Variants in IMPG1 observed in about 807,000 individuals in gnomAD.
IMPG1 encodes the protein interphotoreceptor matrix proteoglycan of 150 kDa.
A neutral mutation model predicts 92.0 loss-of-function variants in IMPG1; 85 were observed. The ratio of observed to expected loss-of-function variants is 0.92; its 90% confidence interval spans 0.78 to 1.11. IMPG1 has a LOEUF of 1.11. Ranked by LOEUF, IMPG1 falls within the 50% of genes least tolerant of loss-of-function variation. The pLI is 0.00. For missense variants in IMPG1, 1,022 were observed against 956.0 expected, an observed-to-expected ratio of 1.07 and a Z score of -0.91; for synonymous variants, 367 against 334.1, an observed-to-expected ratio of 1.10 and a Z score of -1.08.
At chr6:75,933,648 T>G (rs913990556) in intron 14 of IMPG1, among the ~76,000 whole-genome samples, 2 of 152,204 alleles carry the variant, frequency 1.3e-5, no homozygotes, top group Non-Finnish European at 2.9e-5. Flanking sequence ...CCGGGCCTAG[T>G]CTACTAGCAT....
intron 12 of IMPG1, among the ~76,000 whole-genome samples, chr6:75,967,215 A>G (rs1336995833): frequency 6.6e-6 from 1 of 152,132 alleles, no homozygotes; most frequent in Non-Finnish European, 1.5e-5. Context: ...AACAATATCA[A>G]GAAATGATTC....
intron 1 of IMPG1, among the ~76,000 whole-genome samples, chr6:76,046,022 T>C (rs991603708): frequency 6.6e-6 from 1 of 152,016 alleles, no homozygotes; most frequent in Non-Finnish European, 1.5e-5. Context: ...TGATGATGAA[T>C]TGGCTGCCAT....
intron 4 of IMPG1, among the ~76,000 whole-genome samples, chr6:76,031,202 A>G (rs185278964): frequency 6.4e-4 from 98 of 152,358 alleles, no homozygotes; most frequent in Admixed American, 2.0e-3. Context: ...GTTTGTTACT[A>G]TAAGCAAGTA....
chr6:76,023,787 A>T (rs1562373979), intron 5 of IMPG1, among the ~76,000 whole-genome samples: 1 of 152,178 alleles, frequency 6.6e-6, no homozygotes, highest in East Asian at 1.9e-4. Flanking sequence ...GAAAGGGGTC[A>T]TATTAACTTA....
chr6:76,066,791 T>A (rs561880675), intron 1 of IMPG1, among the ~76,000 whole-genome samples: 3 of 152,212 alleles, frequency 2.0e-5, no homozygotes, highest in Admixed American at 6.5e-5. Context: ...AGAAAAACCG[T>A]ATGTCAGACC....
At chr6:76,025,334 T>A (rs1363009136) in intron 4 of IMPG1, 76 bp from the exon 5 acceptor site, 1 of 775,248 alleles carries the variant, frequency 1.3e-6, no homozygotes, top group Non-Finnish European at 2.2e-6. Context: ...CATTTAAATT[T>A]CTTATACTGA....
rs942431084 is a variant in IMPG1 at position 75,943,541 on chromosome 6, G to A, written c.2044+3773C>T. Among the ~76,000 whole-genome samples, 7 of 152,214 alleles carry A rather than the reference G, an allele frequency of 4.6e-5. 1 individual carries two copies. Among genetic ancestry groups the A allele is most frequent in the Admixed American group, 1.3e-4 (2 of 15,274 alleles). Reference sequence around the variant, plus strand: ...CAGCCTCAGGCCCTCACCAGAAGCAGATGCTGGTGCCTGCGGAAAGATGAG... The same window carrying A: ...CAGCCTCAGGCCCTCACCAGAAGCAAATGCTGGTGCCTGCGGAAAGATGAG... On this transcript the variant is annotated intron_variant, in intron 14 of 16. Coordinates refer to ENST00000369950, the MANE Select transcript of IMPG1 (RefSeq NM_001563.4).
intron 2 of IMPG1, among the ~76,000 whole-genome samples, chr6:76,041,507 G>A (rs1356670294): frequency 2.6e-5 from 4 of 152,060 alleles, no homozygotes; most frequent in African/African-American, 9.7e-5. Context: ...GAAATCTTAA[G>A]TCATGAATCA....
In IMPG1 at chr6:75,934,166, A is replaced by G. The variant is rs116152209; in HGVS notation, c.2045-3015T>C. Among the ~76,000 whole-genome samples, 1,189 of 152,294 alleles carry G rather than the reference A, an allele frequency of 7.8e-3. 17 individuals are homozygous for G. The highest frequency in any genetic ancestry group is 0.027 in the African/African-American group (1,120 of 41,544). On this transcript the variant is annotated intron_variant, in intron 14 of 16. Coordinates refer to ENST00000369950, the MANE Select transcript of IMPG1 (RefSeq NM_001563.4). ...CTTCCATGAATGCTTTCCTTTGAAT[A>G]AAGGTTCCCTTAACTAAACAAAAGC...
intron 14 of IMPG1, among the ~76,000 whole-genome samples, chr6:75,943,924 T>C (rs1781877650): frequency 6.6e-6 from 1 of 152,218 alleles, no homozygotes; most frequent in Non-Finnish European, 1.5e-5. Context: ...TCTTTTGGAA[T>C]GAAAAAGATG....
At chr6:75,960,305 G>C (rs1275233366) in intron 12 of IMPG1, among the ~76,000 whole-genome samples, 2 of 152,154 alleles carry the variant, frequency 1.3e-5, no homozygotes, top group African/African-American at 4.8e-5. Flanking sequence ...GACCAGAGCT[G>C]TTCCTATTCG....
chr6:75,971,480 A>T (rs1028602327), intron 12 of IMPG1, among the ~76,000 whole-genome samples: 1 of 152,190 alleles, frequency 6.6e-6, no homozygotes, highest in African/African-American at 2.4e-5. Context: ...ATAATAAAAA[A>T]AAATCATCTC....
intron 1 of IMPG1, among the ~76,000 whole-genome samples, chr6:76,042,471 A>G (rs1400697119): frequency 6.6e-6 from 1 of 152,132 alleles, no homozygotes; most frequent in African/African-American, 2.4e-5. Flanking sequence ...GATAGATAAT[A>G]TAATTCAAGC....
intron 1 of IMPG1, among the ~76,000 whole-genome samples, chr6:76,047,474 A>G (rs1014243181): frequency 6.6e-6 from 1 of 152,220 alleles, no homozygotes; most frequent in Non-Finnish European, 1.5e-5. Context: ...GCTGTAAATG[A>G]GATAAACAAA....
At chr6:76,018,974 T>C in intron 6 of IMPG1, 116 bp from the exon 7 acceptor site, 1 of 951,290 alleles carries the variant, frequency 1.1e-6, no homozygotes, top group Non-Finnish European at 1.5e-6. Context: ...GCTTAAGTGT[T>C]TTGCAATCAA....
At chr6:75,956,171 G>T (rs554741711) in intron 12 of IMPG1, among the ~76,000 whole-genome samples, 1 of 152,288 alleles carries the variant, frequency 6.6e-6, no homozygotes, top group African/African-American at 2.4e-5. Context: ...CAGAAGGAAT[G>T]GTACCAGTTC....
intron 12 of IMPG1, among the ~76,000 whole-genome samples, chr6:75,987,035 C>T (rs1782728142): frequency 6.6e-6 from 1 of 152,174 alleles, no homozygotes; most frequent in African/African-American, 2.4e-5. Flanking sequence ...AGGGCACTCA[C>T]AGTTGAGTCA....
chr6:75,924,567 T>TAA (rs1562334752), intron 15 of IMPG1, among the ~76,000 whole-genome samples: 9 of 31,990 alleles, frequency 2.8e-4, no homozygotes, highest in African/African-American at 6.4e-4. Context: ...TAATTATATA[T>TAA]TATATATAAT....
At position 75,932,479 on chromosome 6, in the gene IMPG1, G is replaced by T. The variant is rs566624516; in HGVS notation, c.2045-1328C>A. On this transcript the variant is annotated intron_variant, in intron 14 of 16. Transcript: ENST00000369950. ...GAACACCCAAAACTTTAAGCTTTAG[G>T]CAAAGACTGAAAAATGGATGTGGGC... Among the ~76,000 whole-genome samples, 17 of 152,150 alleles carry T rather than the reference G, an allele frequency of 1.1e-4. No individual in the cohort carries two copies. The East Asian group carries it at 2.3e-3, about 21-fold the overall frequency.
Sources: allele counts gnomAD v4.1 joint callset (sites outside exome capture counted in the v4.1 genomes callset), GRCh38; gene constraint gnomAD v4.1.1; transcripts MANE v1.5; gene names NCBI Gene and HGNC (gene_info 2026-07-23, HGNC 2026-07-21).